The following PCNX1 variants were observed in gnomAD, a reference collection of about 807,000 sequenced individuals.
PCNX1 encodes the protein pecanex-like protein 1.
A neutral mutation model predicts 242.2 loss-of-function variants in PCNX1; 78 were observed. The observed-to-expected ratio is 0.32, with a 90% confidence interval of 0.27 to 0.39. The LOEUF is 0.39. Among genes scored for constraint, PCNX1 ranks in the 10% least tolerant of loss-of-function variants. The pLI is 1.00. For synonymous variants in PCNX1, 1,024 were observed against 1,032.9 expected (o/e 0.99, Z 0.17); for missense variants, 2,581 against 2,856.5 (o/e 0.90, Z 2.20).
Position 71,113,643 on chromosome 14 carries a change from C to A in PCNX1, c.*3708C>A, listed in dbSNP as rs1325621951. ...TTTAAGCTGAAGATTCACCCAGTGT[C>A]TAAAGTTGTCCTTTTCTTATAGCTA... On this transcript the variant is annotated 3_prime_UTR_variant, in exon 36 of 36. Transcript: ENST00000304743. 7.9e-5 allele frequency: 12 copies of A among 152,574 alleles called. No individual in the cohort carries two copies. In the East Asian group the frequency reaches 2.1e-3, roughly 27 times the overall value. 9.5% of individuals were successfully genotyped at this position (152,574 alleles called of 1,614,324 possible). A position where few individuals can be genotyped will look rare whatever the true frequency, so the allele number is the denominator to read the frequency against.
intron 28 of PCNX1, among the ~76,000 whole-genome samples, chr14:71,079,048 G>A (rs1220960280): frequency 6.6e-6 from 1 of 152,036 alleles, no homozygotes; most frequent in Admixed American, 6.6e-5. Flanking sequence ...CCCTCCCTGT[G>A]TCCATGTGTT....
At chr14:71,063,866 T>C (rs924341788) in intron 26 of PCNX1, among the ~76,000 whole-genome samples, 2 of 152,208 alleles carry the variant, frequency 1.3e-5, no homozygotes, top group African/African-American at 4.8e-5. Flanking sequence ...TACTCTAGAT[T>C]CTTTCCATGT....
chr14:70,983,079 CAT>C (rs1291797178), intron 6 of PCNX1, among the ~76,000 whole-genome samples: 2 of 152,136 alleles, frequency 1.3e-5, no homozygotes, highest in Non-Finnish European at 2.9e-5. Flanking sequence ...ACTTCGAATA[CAT>C]GTGTTCATCA....
chr14:70,942,245 G>A (rs531098224), intron 1 of PCNX1, among the ~76,000 whole-genome samples: 24 of 152,062 alleles, frequency 1.6e-4, no homozygotes, highest in Middle Eastern at 6.8e-3. Flanking sequence ...TTTCCTATTC[G>A]GCCATCTTAC....
intron 8 of PCNX1, among the ~76,000 whole-genome samples, chr14:70,996,616 T>C (rs540213849): frequency 6.6e-6 from 1 of 152,180 alleles, no homozygotes; most frequent in Admixed American, 6.5e-5. Flanking sequence ...TATGTTACTT[T>C]GGTTTCTGTG....
chr14:70,910,542 A>G (rs1221425107), intron 1 of PCNX1, among the ~76,000 whole-genome samples: 1 of 152,054 alleles, frequency 6.6e-6, no homozygotes, highest in Non-Finnish European at 1.5e-5. Flanking sequence ...TCTTTTCCAG[A>G]TACCTGTGTG....
intron 1 of PCNX1, among the ~76,000 whole-genome samples, chr14:70,908,388 T>G (rs1419489894): frequency 6.6e-6 from 1 of 151,952 alleles, no homozygotes; most frequent in Non-Finnish European, 1.5e-5. Context: ...GCATCCATCC[T>G]TGGCACGCTG....
At chr14:70,969,153 AC>A in intron 5 of PCNX1, 43 bp downstream of exon 5, 2 of 1,128,124 alleles carry the variant, frequency 1.8e-6, no homozygotes, top group Non-Finnish European at 2.7e-6. Flanking sequence ...TACTGTGGTG[AC>A]CAGAGTTAAT....
intron 16 of PCNX1, chr14:71,031,807 T>G (rs2060393122): frequency 6.7e-7 from 1 of 1,485,362 alleles, no homozygotes; most frequent in South Asian, 1.1e-5. Flanking sequence ...CATGCATAGC[T>G]TGGCAGCGAG....
At chr14:71,009,109 AAAT>A (rs2059750825) in intron 8 of PCNX1, among the ~76,000 whole-genome samples, 1 of 152,228 alleles carries the variant, frequency 6.6e-6, no homozygotes, top group Admixed American at 6.5e-5. Context: ...AATGTTCATT[AAAT>A]AATATAATTT....
At chr14:70,963,913 A>G (rs900209402) in intron 3 of PCNX1, among the ~76,000 whole-genome samples, 1 of 152,188 alleles carries the variant, frequency 6.6e-6, no homozygotes, top group East Asian at 1.9e-4. Context: ...CATGCGGCTC[A>G]TTCGGACTGA....
chr14:70,958,542 C>G (rs1386202222), intron 2 of PCNX1, among the ~76,000 whole-genome samples: 2 of 152,088 alleles, frequency 1.3e-5, no homozygotes, highest in African/African-American at 4.8e-5. Context: ...ACTTCATGTC[C>G]CTGCTTCTCT....
chr14:70,946,896 T>A lies in PCNX1; in HGVS notation c.154-19T>A. 1 of 1,479,506 alleles carries A rather than the reference T, an allele frequency of 6.8e-7. No individual in the cohort carries two copies. Among genetic ancestry groups the A allele is most frequent in the Non-Finnish European group, 9.4e-7 (1 of 1,060,530 alleles). 91.6% of individuals were successfully genotyped at this position (1,479,506 alleles called of 1,614,324 possible). A position where few individuals can be genotyped will look rare whatever the true frequency, so the allele number is the denominator to read the frequency against. ...TAAAATATTTTAAAATGTATTTCCT[T>A]ATTTTCTTTCTCTTAAAGGCCCTTC... is the stretch of plus-strand genomic sequence containing the variant. On this transcript the variant is annotated intron_variant, in intron 1 of 35. Transcript: ENST00000304743.
At chr14:71,080,565 G>T (rs2061828979) in intron 28 of PCNX1, among the ~76,000 whole-genome samples, 1 of 152,108 alleles carries the variant, frequency 6.6e-6, no homozygotes, top group Non-Finnish European at 1.5e-5. Flanking sequence ...GTGGTTTGTA[G>T]TTCTCCTTGA....
chr14:70,950,849 A>G (rs560661359), intron 2 of PCNX1, among the ~76,000 whole-genome samples: 2 of 152,052 alleles, frequency 1.3e-5, no homozygotes, highest in African/African-American at 4.8e-5. Flanking sequence ...TAAATAAAAT[A>G]TATTAGCTCT....
chr14:71,079,218 A>G lies in PCNX1; in HGVS notation c.5337+2799A>G, dbSNP rs548993859. Among the ~76,000 whole-genome samples, 8 of 152,216 alleles carry G rather than the reference A, an allele frequency of 5.3e-5. No individual in the cohort carries two copies. In the South Asian group the frequency reaches 1.2e-3, roughly 24 times the overall value. On this transcript the variant is annotated intron_variant, in intron 28 of 35. Transcript: ENST00000304743. ...GGCTGCATAGTATTCCATGTTGTATATGTGTCACATTTTATCTAGTCTATC... is the reference window on the plus strand; with the variant it reads ...GGCTGCATAGTATTCCATGTTGTATGTGTGTCACATTTTATCTAGTCTATC...
chr14:71,029,363 T>C (rs2060321457), intron 16 of PCNX1, among the ~76,000 whole-genome samples: 2 of 152,174 alleles, frequency 1.3e-5, no homozygotes, highest in South Asian at 4.1e-4. Context: ...TTTTTGTTTT[T>C]TGTTTGGCGA....
chr14:70,945,053 G>A (rs780918280), intron 1 of PCNX1, among the ~76,000 whole-genome samples: 1 of 152,098 alleles, frequency 6.6e-6, no homozygotes, highest in African/African-American at 2.4e-5. Context: ...TCATCCTACA[G>A]CCCCTCTTCC....
chr14:71,066,419 T>C (rs2061448570), intron 26 of PCNX1, among the ~76,000 whole-genome samples: 1 of 151,770 alleles, frequency 6.6e-6, no homozygotes, highest in South Asian at 2.1e-4. Context: ...CTGTTTGTTA[T>C]TGGTATATAG....
Sources: gnomAD v4.1 joint callset for allele counts (sites outside exome capture counted in the v4.1 genomes callset) on GRCh38, gnomAD v4.1.1 for gene constraint, MANE v1.5 for transcripts, NCBI Gene and HGNC (gene_info 2026-07-23, HGNC 2026-07-21) for gene names.